Variants in ADGRL2 observed in about 807,000 individuals in gnomAD.
ADGRL2 encodes the protein calcium-independent alpha-latrotoxin receptor 2.
In ADGRL2, 44 loss-of-function variants were observed where a neutral mutation model predicts 157.4. That is an observed-to-expected ratio of 0.28 (90% confidence interval 0.22 to 0.36). The LOEUF (loss-of-function observed/expected upper bound fraction) is 0.36, where lower values mean the gene tolerates loss of function less well. Ranked by LOEUF, ADGRL2 falls within the 10% of genes least tolerant of loss-of-function variation. ADGRL2 has a pLI of 1.00. For missense variants in ADGRL2, 1,510 were observed against 1,768.9 expected (o/e 0.85, Z 2.63); for synonymous variants, 585 against 624.7 (o/e 0.94, Z 0.95).
At chr1:81,581,842 G>T (rs2080916367) in intron 3 of ADGRL2, among the ~76,000 whole-genome samples, 1 of 148,018 alleles carries the variant, frequency 6.8e-6, no homozygotes, top group Admixed American at 6.9e-5. Flanking sequence ...ATCAAATACG[G>T]TATTTAACCT....
intron 1 of ADGRL2, among the ~76,000 whole-genome samples, chr1:81,835,949 ATAG>A (rs1477465725): frequency 6.6e-6 from 1 of 152,116 alleles, no homozygotes; most frequent in African/African-American, 2.4e-5. Flanking sequence ...TAATGAACTG[ATAG>A]TAGAATGTAG....
chr1:81,430,610 C>T (rs1231331163), intron 1 of ADGRL2, among the ~76,000 whole-genome samples: 1 of 152,118 alleles, frequency 6.6e-6, no homozygotes, highest in Non-Finnish European at 1.5e-5. Context: ...TTTCCCCTCT[C>T]CCCCAGCCCC....
chr1:81,463,109 T>C (rs1186200108), intron 2 of ADGRL2, among the ~76,000 whole-genome samples: 1 of 100,522 alleles, frequency 9.9e-6, no homozygotes, highest in Non-Finnish European at 2.0e-5. Context: ...AGTGAGACCA[T>C]GTCTCAAAAA....
chr1:81,528,369 C>A (rs1015920738), intron 2 of ADGRL2, among the ~76,000 whole-genome samples: 1 of 151,774 alleles, frequency 6.6e-6, no homozygotes, highest in African/African-American at 2.4e-5. Context: ...TGACCCGGCC[C>A]GGCGCGGTGG....
intron 3 of ADGRL2, among the ~76,000 whole-genome samples, chr1:81,617,284 A>C (rs2081679242): frequency 6.9e-6 from 1 of 145,520 alleles, no homozygotes; most frequent in South Asian, 2.2e-4. Context: ...ATGAGAATCT[A>C]ATGCCTGATG....
chr1:81,968,107 T>C lies in ADGRL2; in HGVS notation c.2431T>C (p.Cys811Arg), dbSNP rs111839531. ...GATGGGATATTGGTCTACCCAGGGC[T>C]GCAAGCTGGTTGACACTAATAAAAC... ...TMMGYWSTQG[C>R]KLVDTNKTRT... is the part of the protein sequence containing the mutation. Residue 811 changes from cysteine (C) to arginine (R), a missense_variant, in exon 14 of 24, where the codon TGC becomes CGC. Cys to Arg is a radical substitution (Grantham distance 180, BLOSUM62 -3). This residue lies in a region of ADGRL2 where 497 missense variants were observed against 627.2 expected (regional missense o/e 0.79). Coordinates refer to ENST00000686636, the MANE Select transcript of ADGRL2 (RefSeq NM_001366006.2). The C allele has an allele frequency of 6.2e-7, 1 of 1,613,100 alleles. No homozygotes were observed. The highest frequency in any genetic ancestry group is 1.1e-5 in the South Asian group (1 of 90,846).
rs549814134 is a variant in ADGRL2, at chr1:81,597,964, G to A, written c.-143+16984G>A. On this transcript the variant is annotated intron_variant, in intron 3 of 24. Coordinates refer to the ADGRL2 transcript ENST00000370721. ...GAAAGCGGGTACACAATGCTGCCCA[G>A]TGTTAGCTCAATTAAGGGGTAAAGA... Among the ~76,000 whole-genome samples the A allele has an allele frequency of 9.2e-5, 14 of 152,324 alleles. No homozygotes were observed. In the South Asian group the frequency reaches 2.9e-3, roughly 32 times the overall value.
intron 3 of ADGRL2, among the ~76,000 whole-genome samples, chr1:81,687,023 A>G (rs2083241664): frequency 6.6e-6 from 1 of 152,096 alleles, no homozygotes; most frequent in Non-Finnish European, 1.5e-5. Flanking sequence ...AATTTTCTTA[A>G]ATTTATTGAG....
upstream of ADGRL2, among the ~76,000 whole-genome samples, chr1:81,797,090 T>C (rs1250451767): frequency 6.6e-6 from 1 of 152,202 alleles, no homozygotes; most frequent in African/African-American, 2.4e-5. Flanking sequence ...TCTGATCTGC[T>C]CTAGAGCTTT....
rs1377820082 is a variant in ADGRL2, at chr1:81,872,941, T to G, written c.74-34076T>G. 2.6e-5 allele frequency among the ~76,000 whole-genome samples: 4 copies of G among 152,168 alleles called. No individual in the cohort carries two copies. In the South Asian group the frequency reaches 6.2e-4, roughly 24 times the overall value. ...CTTACAATTTCTTACTGGCTTATTT[T>G]TTTCAGCTATATCAGCTTAAATAAT... On this transcript the variant is annotated intron_variant, in intron 2 of 23. Transcript: ENST00000686636.
intron 2 of ADGRL2, among the ~76,000 whole-genome samples, chr1:81,895,646 C>T (rs2094370266): frequency 6.6e-6 from 1 of 151,970 alleles, no homozygotes; most frequent in Non-Finnish European, 1.5e-5. Context: ...CCACCTGCCT[C>T]GGCCTCCCAA....
At position 81,993,121 on chromosome 1, in the gene ADGRL2, G is replaced by T. The variant is rs1221762494; in HGVS notation, c.*1976G>T. Among the ~76,000 whole-genome samples the T allele has an allele frequency of 7.7e-5, 3 of 38,762 alleles. No individual in the cohort carries two copies. Among genetic ancestry groups the T allele is most frequent in the African/African-American group, 1.2e-4 (1 of 8,320 alleles). The allele number at this position is 38,762 out of a possible 152,430, so 25.4% of individuals were successfully genotyped here. A position where few individuals can be genotyped will look rare whatever the true frequency, so the allele number is the denominator to read the frequency against. On this transcript the variant is annotated 3_prime_UTR_variant, in exon 24 of 24. Transcript: ENST00000686636. ...TTTTTTTTTTTTTTTTTTTTTTTTG[G>T]GACAGAGTGTCCCTCTGTCACCCAG...
chr1:81,819,182 G>T (rs113256026), intron 1 of ADGRL2, among the ~76,000 whole-genome samples: 3,998 of 152,238 alleles, frequency 0.026, 75 homozygotes, highest in East Asian at 0.055. Context: ...AGAAGGGGTG[G>T]ACGACAGTCC....
At chr1:81,385,657 G>A (rs1158937347) in intron 1 of ADGRL2, among the ~76,000 whole-genome samples, 2 of 150,624 alleles carry the variant, frequency 1.3e-5, no homozygotes, top group Admixed American at 1.3e-4. Context: ...TGGAATAAAA[G>A]AAAGCTATAG....
intron 2 of ADGRL2, among the ~76,000 whole-genome samples, chr1:81,563,917 A>G (rs1030490353): frequency 2.6e-5 from 4 of 152,196 alleles, no homozygotes; most frequent in African/African-American, 9.6e-5. Context: ...TGTCTTCATC[A>G]ACTCATTAAT....
intron 1 of ADGRL2, among the ~76,000 whole-genome samples, chr1:81,760,783 A>G (rs778843803): frequency 1.3e-5 from 2 of 151,904 alleles, no homozygotes; most frequent in Non-Finnish European, 2.9e-5. Context: ...TAATCTTTAG[A>G]AATAAATTCC....
chr1:81,851,410 T>C (rs1458918440), intron 2 of ADGRL2, among the ~76,000 whole-genome samples: 5 of 152,032 alleles, frequency 3.3e-5, no homozygotes, highest in Middle Eastern at 3.4e-3. Flanking sequence ...TTAAAAATGA[T>C]GAGTAATGAA....
intron 2 of ADGRL2, among the ~76,000 whole-genome samples, chr1:81,788,212 T>C (rs113185707): frequency 0.022 from 3,319 of 152,264 alleles, 57 homozygotes; most frequent in South Asian, 0.078. Context: ...GAAAGGGTGA[T>C]AGTTTGGATT....
At chr1:81,403,091 C>T (rs1371440934) in intron 1 of ADGRL2, among the ~76,000 whole-genome samples, 1 of 152,160 alleles carries the variant, frequency 6.6e-6, no homozygotes, top group East Asian at 1.9e-4. Flanking sequence ...GAAGGCCTAA[C>T]CAACAGGTCT....
Sources: allele counts gnomAD v4.1 joint callset (sites outside exome capture counted in the v4.1 genomes callset), GRCh38; gene constraint gnomAD v4.1.1; regional missense constraint gnomAD v4.1.1; transcripts MANE v1.5; gene names NCBI Gene and HGNC (gene_info 2026-07-23, HGNC 2026-07-21).